The following EPM2A variants were observed in gnomAD, a reference collection of about 807,000 sequenced individuals.
The protein encoded by EPM2A is laforin.
Under a neutral mutation model 26.5 loss-of-function variants are expected in EPM2A, and 21 were observed. That is an observed-to-expected ratio of 0.79 (90% CI 0.56 to 1.14). The LOEUF is 1.14. Among genes scored for constraint, EPM2A ranks in the 50% most tolerant of loss-of-function variants. The pLI is 0.00. For synonymous variants in EPM2A, 217 were observed against 177.6 expected, an observed-to-expected ratio of 1.22 and a Z score of -1.76; for missense variants, 458 against 440.8, an observed-to-expected ratio of 1.04 and a Z score of -0.35.
At chr6:145,492,862 G>C (rs1022882948) in intron 4 of EPM2A, among the ~76,000 whole-genome samples, 1 of 152,172 alleles carries the variant, frequency 6.6e-6, no homozygotes, top group Non-Finnish European at 1.5e-5. Flanking sequence ...TTGGGGGCAG[G>C]GCAGGCCATG....
intron 2 of EPM2A, among the ~76,000 whole-genome samples, chr6:145,666,964 T>G (rs1350176471): frequency 8.9e-5 from 11 of 123,100 alleles, no homozygotes; most frequent in South Asian, 2.8e-4. Flanking sequence ...TAGCCATATG[T>G]AGAAAGCTGA....
intron 4 of EPM2A, among the ~76,000 whole-genome samples, chr6:145,400,941 G>A (rs1235760740): frequency 6.6e-6 from 1 of 151,786 alleles, no homozygotes; most frequent in Non-Finnish European, 1.5e-5. Context: ...TGACTTTTTG[G>A]TTGACAAGCT....
At chr6:145,440,863 C>T (rs962330311) in intron 4 of EPM2A, among the ~76,000 whole-genome samples, 1 of 152,198 alleles carries the variant, frequency 6.6e-6, no homozygotes, top group Non-Finnish European at 1.5e-5. Flanking sequence ...TGGTTGCTTT[C>T]ACGGGCTGGC....
rs141490264 is a variant in EPM2A at position 145,628,153 on chromosome 6, A to G, written c.719-460T>C. On this transcript the variant is annotated intron_variant, in intron 3 of 3. Transcript: ENST00000367519. ...ATGTAAAACACAGAAGCGGCCCATA[A>G]TAGTTAAAGGAATCAATCTGTTCAT... 779 of 205,030 alleles carry G rather than the reference A, an allele frequency of 3.8e-3. 7 individuals are homozygous for G. Among genetic ancestry groups the G allele is most frequent in the African/African-American group, 0.017 (727 of 43,068 alleles). The allele number at this position is 205,030 out of a possible 1,614,324, so 12.7% of individuals were successfully genotyped here.
At chr6:145,517,451 T>C (rs1780144184) in intron 2 of EPM2A, among the ~76,000 whole-genome samples, 2 of 152,188 alleles carry the variant, frequency 1.3e-5, no homozygotes. Flanking sequence ...AGCCCCATGC[T>C]TGGGGGCTTC....
At chr6:145,423,102 T>C (rs1406553131) in intron 4 of EPM2A, among the ~76,000 whole-genome samples, 1 of 152,100 alleles carries the variant, frequency 6.6e-6, no homozygotes, top group Non-Finnish European at 1.5e-5. Context: ...CTGCAGACCC[T>C]CAACACCTTT....
At chr6:145,404,942 T>C (rs1562322439) in intron 4 of EPM2A, among the ~76,000 whole-genome samples, 1 of 152,162 alleles carries the variant, frequency 6.6e-6, no homozygotes, top group Non-Finnish European at 1.5e-5. Flanking sequence ...TCCTAAAAGA[T>C]GTAAATACAA....
At chr6:145,457,880 C>A (rs1470102794) in intron 4 of EPM2A, among the ~76,000 whole-genome samples, 1 of 152,144 alleles carries the variant, frequency 6.6e-6, no homozygotes, top group Non-Finnish European at 1.5e-5. Context: ...TTATTAAGAT[C>A]TATTCAAATA....
chr6:145,394,249 G>A (rs1399558294), intron 4 of EPM2A, among the ~76,000 whole-genome samples: 1 of 151,982 alleles, frequency 6.6e-6, no homozygotes, highest in African/African-American at 2.4e-5. Flanking sequence ...TTCTCATGAG[G>A]GAGGGACCAT....
intron 2 of EPM2A, among the ~76,000 whole-genome samples, chr6:145,618,365 T>C (rs1445996828): frequency 1.3e-5 from 2 of 152,164 alleles, no homozygotes; most frequent in East Asian, 3.9e-4. Context: ...ACAACAGAGA[T>C]TGGAGAGAAG....
At position 145,735,408 on chromosome 6, in the gene EPM2A, GC is replaced by G. The variant is rs1259509305; in HGVS notation, c.90del (p.Arg31ValfsTer10). 8.1e-7 allele frequency: 1 copy of G among 1,240,978 alleles called. No individual in the cohort carries two copies. Among genetic ancestry groups the G allele is most frequent in the Non-Finnish European group, 1.0e-6 (1 of 987,998 alleles). The allele number at this position is 1,240,978 out of a possible 1,614,324, so 76.9% of individuals were successfully genotyped here. A position where few individuals can be genotyped will look rare whatever the true frequency, so the allele number is the denominator to read the frequency against. On this transcript the variant is annotated frameshift_variant, in exon 1 of 4. Coordinates refer to ENST00000367519, the MANE Select transcript of EPM2A (RefSeq NM_005670.4). LOFTEE classifies it high-confidence loss of function. Reference sequence around the variant, plus strand: ...CGGACGGCACCGCGCGGCTCCCAACGCCCCAGCTCGGGCCGCGACCCCACCA... The same window carrying G: ...CGGACGGCACCGCGCGGCTCCCAACGCCCAGCTCGGGCCGCGACCCCACCA... Reference protein sequence around the residue: ...LLVVGSRPELGRWEPRGAVRL... With the variant: ...LLVVGSRPELXRWEPRGAVRL...
chr6:145,676,917 T>A (rs1780088510), intron 2 of EPM2A, among the ~76,000 whole-genome samples: 1 of 152,178 alleles, frequency 6.6e-6, no homozygotes, highest in South Asian at 2.1e-4. Context: ...GACTCCTCCA[T>A]AACTCATTTT....
rs779211684 is a variant in EPM2A at position 145,686,316 on chromosome 6, T to A, written c.302-20A>T. 6 of 1,601,704 alleles carry A rather than the reference T, an allele frequency of 3.7e-6. No homozygotes were observed. The highest frequency in any genetic ancestry group is 5.1e-6 in the Non-Finnish European group (6 of 1,169,046). On this transcript the variant is annotated intron_variant, in intron 1 of 3. Transcript: ENST00000367519. ...CATTGCCTAGAACAAGAAAAAATGA[T>A]AAACAGAGCAATTAAATCAGTGTTT...
chr6:145,390,558 GCACA>G (rs1778323878), intron 4 of EPM2A, among the ~76,000 whole-genome samples: 1 of 104,050 alleles, frequency 9.6e-6, no homozygotes, highest in African/African-American at 3.2e-5. Flanking sequence ...TGTTGTGCAT[GCACA>G]TTCTCTCTCT....
At chr6:145,554,571 G>T (rs1188903496) in intron 2 of EPM2A, among the ~76,000 whole-genome samples, 1 of 152,062 alleles carries the variant, frequency 6.6e-6, no homozygotes, top group African/African-American at 2.4e-5. Context: ...TTAATAAACA[G>T]AAATTTATTT....
At chr6:145,403,711 G>A (rs1399257712) in intron 4 of EPM2A, among the ~76,000 whole-genome samples, 3 of 152,102 alleles carry the variant, frequency 2.0e-5, no homozygotes, top group African/African-American at 7.2e-5. Context: ...ATTATAAACA[G>A]TGTTGCAACA....
At chr6:145,494,589 T>G (rs1205025963) in intron 4 of EPM2A, among the ~76,000 whole-genome samples, 1 of 152,232 alleles carries the variant, frequency 6.6e-6, no homozygotes, top group Non-Finnish European at 1.5e-5. Context: ...GTTGTTAACT[T>G]GAGATCTTTC....
At chr6:145,432,898 A>G (rs1382265481) in intron 4 of EPM2A, among the ~76,000 whole-genome samples, 1 of 152,184 alleles carries the variant, frequency 6.6e-6, no homozygotes, top group Non-Finnish European at 1.5e-5. Flanking sequence ...TTTACCTTGT[A>G]CTTTCATGTT....
At chr6:145,559,389 T>C (rs1284205157) in intron 2 of EPM2A, among the ~76,000 whole-genome samples, 3 of 152,132 alleles carry the variant, frequency 2.0e-5, no homozygotes, top group Non-Finnish European at 4.4e-5. Flanking sequence ...TTCTTGACTA[T>C]GTGATTTTGG....
Sources: gnomAD v4.1 joint callset for allele counts (sites outside exome capture counted in the v4.1 genomes callset) on GRCh38, gnomAD v4.1.1 for gene constraint, MANE v1.5 for transcripts, NCBI Gene and HGNC (gene_info 2026-07-23, HGNC 2026-07-21) for gene names.